DGLUCY: variants seen among roughly 807,000 people sequenced by gnomAD.
The protein encoded by DGLUCY is D-glutamate cyclase, mitochondrial.
In DGLUCY, 58 loss-of-function variants were observed where a neutral mutation model predicts 58.5. The observed-to-expected ratio is 0.99, with a 90% CI of 0.80 to 1.23. The LOEUF is 1.23. DGLUCY is among the 50% of genes most tolerant of loss of function. The pLI is 0.00. For missense variants in DGLUCY, 779 were observed against 784.7 expected (o/e 0.99, Z 0.09); for synonymous variants, 325 against 314.1 (o/e 1.03, Z -0.37).
chr14:91,214,293 A>G (rs1420799648), intron 12 of DGLUCY, among the ~76,000 whole-genome samples: 1 of 152,060 alleles, frequency 6.6e-6, no homozygotes, highest in Non-Finnish European at 1.5e-5. Context: ...TCTAGCACTT[A>G]TTGCTTACCA....
At chr14:91,158,056 C>T (rs1327520917) in intron 2 of DGLUCY, among the ~76,000 whole-genome samples, 2 of 152,138 alleles carry the variant, frequency 1.3e-5, no homozygotes, top group Non-Finnish European at 2.9e-5. Context: ...CTGCTATTCC[C>T]CACAAGGTTA....
At chr14:91,133,219 C>G (rs996739561) in intron 1 of DGLUCY, among the ~76,000 whole-genome samples, 1 of 151,968 alleles carries the variant, frequency 6.6e-6, no homozygotes, top group Admixed American at 6.6e-5. Context: ...TGCTTGAACC[C>G]GGGAGGTGGA....
chr14:91,183,016 A>C (rs971348986), intron 8 of DGLUCY, among the ~76,000 whole-genome samples: 5 of 149,020 alleles, frequency 3.4e-5, no homozygotes, highest in Admixed American at 6.8e-5. Flanking sequence ...TTTTGAGACA[A>C]GATCTCACTC....
chr14:91,088,310 G>A (rs1428292649), intron 1 of DGLUCY, among the ~76,000 whole-genome samples: 1 of 152,102 alleles, frequency 6.6e-6, no homozygotes, highest in African/African-American at 2.4e-5. Flanking sequence ...CTCCCTGGGG[G>A]TTACATAATA....
chr14:91,187,607 G>A lies in DGLUCY; in HGVS notation c.935-1303G>A, dbSNP rs561395050. ...TAGAATTATGGGCGGCTCCCAGCAC[G>A]ACAGCCTCTTACCATAGGCTCAGGT... On this transcript the variant is annotated intron_variant, in intron 8 of 13. Transcript: ENST00000256324. Among the ~76,000 whole-genome samples, 5 of 152,300 alleles carry A rather than the reference G, an allele frequency of 3.3e-5. No individual in the cohort carries two copies. In the South Asian group the frequency reaches 1.0e-3, roughly 32 times the overall value.
chr14:91,140,835 G>A (rs185694140), intron 1 of DGLUCY, among the ~76,000 whole-genome samples: 2 of 152,164 alleles, frequency 1.3e-5, no homozygotes, highest in Admixed American at 1.3e-4. Context: ...ACACCTAGGG[G>A]TTGTGATTCA....
At chr14:91,155,941 C>CT (rs1176829400) in intron 1 of DGLUCY, among the ~76,000 whole-genome samples, 6 of 152,176 alleles carry the variant, frequency 3.9e-5, no homozygotes. Flanking sequence ...CAGTCTCCCA[C>CT]TTTCCCCTCT....
At chr14:91,215,205 T>C (rs1277577476) in intron 12 of DGLUCY, among the ~76,000 whole-genome samples, 200 bp from the exon 13 acceptor site, 1 of 152,162 alleles carries the variant, frequency 6.6e-6, no homozygotes, top group African/African-American at 2.4e-5. Context: ...GCTTGTTCCT[T>C]TCCTCTCCTC....
Position 91,224,827 on chromosome 14 carries a change from G to A in DGLUCY, c.1860G>A (p.Gln620=). The part of the protein sequence containing the change: ...IQKLVDVTTA[Q]V ...AGCTGGTGGACGTCACCACGGCACAGGTGTAACCGTCCATGTTCCGTGTGA... is the reference window on the plus strand; with the variant it reads ...AGCTGGTGGACGTCACCACGGCACAAGTGTAACCGTCCATGTTCCGTGTGA... The change falls in exon 14 of 14, where the codon CAG becomes CAA. Residue 620 remains glutamine, a synonymous_variant. Transcript: ENST00000256324. 1 of 1,610,286 alleles carries A rather than the reference G, an allele frequency of 6.2e-7. No homozygotes were observed. Among genetic ancestry groups the A allele is most frequent in the South Asian group, 1.1e-5 (1 of 90,796 alleles).
chr14:91,107,325 C>G (rs951347309), upstream of DGLUCY, among the ~76,000 whole-genome samples: 3 of 151,816 alleles, frequency 2.0e-5, no homozygotes, highest in Non-Finnish European at 4.4e-5. Flanking sequence ...TCGAGACCAG[C>G]CTGGCCAACG....
intron 6 of DGLUCY, chr14:91,173,791 G>A (rs1282893986): frequency 1.1e-5 from 2 of 183,562 alleles, no homozygotes; most frequent in African/African-American, 4.7e-5. Flanking sequence ...TCACTGTGAT[G>A]TAAGTTTATA....
chr14:91,107,536 A>T (rs752254185), upstream of DGLUCY, among the ~76,000 whole-genome samples: 5 of 152,130 alleles, frequency 3.3e-5, no homozygotes, highest in African/African-American at 9.7e-5. Context: ...ATAAAAAAAT[A>T]AAAACCCTTC....
chr14:91,088,465 T>C (rs1206601654), intron 1 of DGLUCY, among the ~76,000 whole-genome samples: 2 of 152,168 alleles, frequency 1.3e-5, no homozygotes, highest in African/African-American at 4.8e-5. Flanking sequence ...CTTCTACCTA[T>C]TAGAGATAAA....
intron 5 of DGLUCY, among the ~76,000 whole-genome samples, chr14:91,172,787 G>C (rs1192016027): frequency 6.6e-6 from 1 of 151,954 alleles, no homozygotes; most frequent in Non-Finnish European, 1.5e-5. Context: ...GCTGGGACTA[G>C]AGGCGCGTGC....
intron 3 of DGLUCY, among the ~76,000 whole-genome samples, chr14:91,163,701 G>A (rs1258638231): frequency 6.6e-6 from 1 of 152,146 alleles, no homozygotes; most frequent in African/African-American, 2.4e-5. Flanking sequence ...CCCCTTCCAG[G>A]TTTAAATGCT....
At chr14:91,201,869 A>G (rs1279891484) in intron 11 of DGLUCY, among the ~76,000 whole-genome samples, 2 of 151,826 alleles carry the variant, frequency 1.3e-5, no homozygotes, top group African/African-American at 4.8e-5. Flanking sequence ...CCTGGCCAAC[A>G]TGGCACAACC....
intron 1 of DGLUCY, among the ~76,000 whole-genome samples, chr14:91,065,304 C>A (rs1215781534): frequency 6.6e-6 from 1 of 152,118 alleles, no homozygotes; most frequent in Non-Finnish European, 1.5e-5. Context: ...ACTTACATAT[C>A]CCCTCTGGGT....
intron 12 of DGLUCY, among the ~76,000 whole-genome samples, chr14:91,212,321 A>G (rs1885807849): frequency 6.6e-6 from 1 of 152,066 alleles, no homozygotes; most frequent in African/African-American, 2.4e-5. Flanking sequence ...AGCCTGGGCA[A>G]TGTAGCGAGA....
At position 91,102,525 on chromosome 14, in the gene DGLUCY, G is replaced by C. The variant is rs770324562; in HGVS notation, c.-82+41821G>C. 3.4e-4 allele frequency among the ~76,000 whole-genome samples: 52 copies of C among 152,152 alleles called. 2 individuals carry two copies. The highest frequency in any genetic ancestry group is 3.4e-4 in the Non-Finnish European group (23 of 68,034). On this transcript the variant is annotated intron_variant, in intron 1 of 4. Transcript: ENST00000521334. ...TGTCGATGGGAGCCAAAAGGAAAGT[G>C]GCATTGAGGGTAGAGGCAGATGTGA...
Sources: gnomAD v4.1 joint callset for allele counts (sites outside exome capture counted in the v4.1 genomes callset) on GRCh38, gnomAD v4.1.1 for gene constraint, MANE v1.5 for transcripts, NCBI Gene and HGNC (gene_info 2026-07-23, HGNC 2026-07-21) for gene names.